MKLN1: variants seen among roughly 807,000 people sequenced by gnomAD.
MKLN1 encodes muskelin 1, also known as muskelin.
A neutral mutation model predicts 99.0 loss-of-function variants in MKLN1; 18 were observed. The ratio of observed to expected loss-of-function variants is 0.18; its 90% CI spans 0.13 to 0.27. The LOEUF is 0.27. Ranked by LOEUF, MKLN1 falls within the 10% of genes least tolerant of loss-of-function variation. The probability of loss-of-function intolerance (pLI) is 1.00; values close to 1 mark genes in which losing one functional copy is unlikely to be tolerated. For missense variants in MKLN1, 621 were observed against 875.9 expected (o/e 0.71, Z 3.67); for synonymous variants, 288 against 293.2 (o/e 0.98, Z 0.18).
chr7:131,489,352 T>G lies in MKLN1; in HGVS notation c.*1624T>G, dbSNP rs548820534. 1 of 152,286 alleles carries G rather than the reference T, an allele frequency of 6.6e-6. No individual in the cohort carries two copies. Among genetic ancestry groups the G allele is most frequent in the African/African-American group, 2.4e-5 (1 of 41,566 alleles). 9.4% of individuals were successfully genotyped at this position (152,286 alleles called of 1,614,324 possible). A position where few individuals can be genotyped will look rare whatever the true frequency, so the allele number is the denominator to read the frequency against. On this transcript the variant is annotated 3_prime_UTR_variant, in exon 18 of 18. Transcript: ENST00000352689. ...TTTCTTAAGCAATTTGATCTGTACC[T>G]TTACTTGTGAAAGGTATGCTATATA...
chr7:131,327,871 T>C (rs1186625960), upstream of MKLN1: 1 of 1,606,558 alleles, frequency 6.2e-7, no homozygotes, highest in South Asian at 1.1e-5. Flanking sequence ...CTGCCAGCGG[T>C]CGGTGGCGGC....
At chr7:131,417,927 C>G (rs1795070634) in intron 8 of MKLN1, among the ~76,000 whole-genome samples, 1 of 152,058 alleles carries the variant, frequency 6.6e-6, no homozygotes, top group Non-Finnish European at 1.5e-5. Context: ...GAAAATTTTA[C>G]TCAACAGCAT....
chr7:131,328,974 TTAAGATCTG>T (rs891288471), intron 1 of MKLN1, among the ~76,000 whole-genome samples: 20 of 152,198 alleles, frequency 1.3e-4, no homozygotes, highest in Non-Finnish European at 5.9e-5. Context: ...TAGTAAAGGG[TTAAGATCTG>T]TGCAGATCCT....
chr7:131,155,913 T>A (rs1194580499), intron 2 of MKLN1, among the ~76,000 whole-genome samples: 1 of 152,080 alleles, frequency 6.6e-6, no homozygotes, highest in African/African-American at 2.4e-5. Flanking sequence ...GTTAGGGAAA[T>A]GGGATTTGGC....
At chr7:131,327,785 G>GCGGGGAGCGCGGGCGGC (rs1388889991), upstream of MKLN1, 9 of 1,445,444 alleles carry the variant, frequency 6.2e-6, no homozygotes, top group African/African-American at 1.2e-4. Flanking sequence ...ACGATGCGGG[G>GCGGGGAGCGCGGGCGGC]CGGGGAGCGC....
intron 12 of MKLN1, among the ~76,000 whole-genome samples, chr7:131,458,499 A>G (rs1160774382): frequency 2.0e-5 from 3 of 152,230 alleles, no homozygotes; most frequent in African/African-American, 7.2e-5. Flanking sequence ...AAATTCAGGT[A>G]TTGTGATTAG....
chr7:131,265,662 G>A (rs4731777), intron 3 of MKLN1, among the ~76,000 whole-genome samples: 73,957 of 152,014 alleles, frequency 0.49, 20,319 homozygotes, highest in Admixed American at 0.66. Flanking sequence ...CCCAGCTTCC[G>A]TTCCAGGTTC....
At chr7:131,175,881 CAG>C (rs1480400055) in intron 2 of MKLN1, among the ~76,000 whole-genome samples, 1 of 149,308 alleles carries the variant, frequency 6.7e-6, no homozygotes, top group Non-Finnish European at 1.5e-5. Flanking sequence ...GCCTGGGTGA[CAG>C]AGTGAGACTC....
At chr7:131,171,302 A>T (rs1796211609) in intron 2 of MKLN1, among the ~76,000 whole-genome samples, 1 of 152,178 alleles carries the variant, frequency 6.6e-6, no homozygotes, top group South Asian at 2.1e-4. Flanking sequence ...AAAACTGTAT[A>T]GGTTTATTAA....
intron 2 of MKLN1, among the ~76,000 whole-genome samples, chr7:131,186,270 G>A (rs577729095): frequency 2.0e-5 from 3 of 152,296 alleles, no homozygotes; most frequent in Admixed American, 6.5e-5. Context: ...TTGGGAGGCC[G>A]AAGTGGGAAG....
intron 2 of MKLN1, among the ~76,000 whole-genome samples, chr7:131,169,161 G>A (rs1359610258): frequency 2.6e-5 from 4 of 152,134 alleles, no homozygotes; most frequent in South Asian, 2.1e-4. Flanking sequence ...CACCTCGCCC[G>A]GCCAGCCACC....
At chr7:131,197,344 C>T (rs942199143) in intron 2 of MKLN1, among the ~76,000 whole-genome samples, 3 of 151,366 alleles carry the variant, frequency 2.0e-5, no homozygotes, top group Non-Finnish European at 4.4e-5. Flanking sequence ...GCTGGGACTA[C>T]AAATGCGTGC....
chr7:131,345,201 C>A (rs1799523737), intron 1 of MKLN1, among the ~76,000 whole-genome samples: 1 of 152,120 alleles, frequency 6.6e-6, no homozygotes, highest in Admixed American at 6.5e-5. Context: ...CAGGAACAGT[C>A]CAGGTTGAGT....
chr7:131,435,855 A>G (rs145525531), intron 9 of MKLN1, among the ~76,000 whole-genome samples: 2 of 149,130 alleles, frequency 1.3e-5, no homozygotes, highest in Admixed American at 1.3e-4. Context: ...AATTTTCTCT[A>G]TTTTTTTTCA....
At chr7:131,178,495 C>T (rs1173912215) in intron 2 of MKLN1, among the ~76,000 whole-genome samples, 1 of 151,848 alleles carries the variant, frequency 6.6e-6, no homozygotes, top group African/African-American at 2.4e-5. Context: ...AATCTGGACA[C>T]ACTGCTGCTC....
intron 3 of MKLN1, among the ~76,000 whole-genome samples, chr7:131,275,553 ATATATATATATATATTTTTTTT>A (rs1427199375): frequency 1.3e-4 from 2 of 14,882 alleles, no homozygotes; most frequent in Admixed American, 9.2e-4. Flanking sequence ...ATATATATAT[ATATATATATATATATTTTTTTT>A]TTTTTTTTTT....
rs566563350 is a variant in MKLN1, at chr7:131,440,075, G to A, written c.1173+2078G>A. ...GGAAAGCAAAGGGAGCCTAGCAGTT[G>A]TATGTCACAGTGAGAAGTGTCAGGG... On this transcript the variant is annotated intron_variant, in intron 10 of 17. Transcript: ENST00000352689. Among the ~76,000 whole-genome samples the A allele has an allele frequency of 3.3e-5, 5 of 152,290 alleles. No homozygotes were observed. The East Asian group carries it at 9.6e-4, about 29-fold the overall frequency.
chr7:131,129,812 G>A (rs1409050385), intron 1 of MKLN1, among the ~76,000 whole-genome samples: 1 of 152,144 alleles, frequency 6.6e-6, no homozygotes, highest in Non-Finnish European at 1.5e-5. Context: ...CCAGCCTCAA[G>A]GGATCATCCT....
chr7:131,379,776 G>A (rs78551874), intron 2 of MKLN1, among the ~76,000 whole-genome samples: 2 of 152,150 alleles, frequency 1.3e-5, no homozygotes, highest in Admixed American at 6.5e-5. Context: ...CACGATGTGC[G>A]TATTTCACAT....
Sources: allele counts gnomAD v4.1 joint callset (sites outside exome capture counted in the v4.1 genomes callset), GRCh38; gene constraint gnomAD v4.1.1; transcripts MANE v1.5; gene names NCBI Gene and HGNC (gene_info 2026-07-23, HGNC 2026-07-21).